The following KCNMA1 variants were observed in gnomAD, a reference collection of about 807,000 sequenced individuals.
KCNMA1 encodes the protein potassium calcium-activated channel subfamily M alpha 1.
KCNMA1 carries 29 observed loss-of-function variants against 140.0 expected under a neutral mutation model. The observed-to-expected ratio is 0.21, with a 90% confidence interval of 0.15 to 0.28. The LOEUF is 0.28. Ranked by LOEUF, KCNMA1 falls within the 10% of genes least tolerant of loss-of-function variation. The pLI, the probability that KCNMA1 is intolerant of heterozygous loss-of-function variation, is 1.00. For missense variants in KCNMA1, 880 were observed against 1,602.2 expected, an observed-to-expected ratio of 0.55 and a Z score of 7.70; for synonymous variants, 612 against 611.9, an observed-to-expected ratio of 1.00 and a Z score of 0.00.
chr10:76,895,156 C>T (rs953790462), intron 25 of KCNMA1, among the ~76,000 whole-genome samples: 1 of 152,128 alleles, frequency 6.6e-6, no homozygotes, highest in African/African-American at 2.4e-5. Flanking sequence ...AGTCACGTAC[C>T]CCCTGCTTGC....
intron 1 of KCNMA1, among the ~76,000 whole-genome samples, chr10:77,625,072 T>C (rs1315663150): frequency 1.3e-5 from 2 of 152,112 alleles, no homozygotes; most frequent in African/African-American, 2.4e-5. Flanking sequence ...TTATTTATAA[T>C]TGTGGTGAAA....
chr10:77,597,077 C>G (rs1359802051), intron 1 of KCNMA1, among the ~76,000 whole-genome samples: 2 of 152,160 alleles, frequency 1.3e-5, no homozygotes, highest in Non-Finnish European at 2.9e-5. Context: ...AGGAATTCCG[C>G]TCTCTCAACA....
At chr10:77,448,921 T>C (rs1232875826) in intron 1 of KCNMA1, among the ~76,000 whole-genome samples, 1 of 152,060 alleles carries the variant, frequency 6.6e-6, no homozygotes, top group Non-Finnish European at 1.5e-5. Flanking sequence ...ACCCCGTCTC[T>C]ACTAAAAATA....
At chr10:77,172,445 A>T (rs903633017) in intron 5 of KCNMA1, among the ~76,000 whole-genome samples, 3 of 152,138 alleles carry the variant, frequency 2.0e-5, no homozygotes, top group African/African-American at 7.2e-5. Flanking sequence ...TATCAAGGGA[A>T]CACAATTGGA....
intron 1 of KCNMA1, among the ~76,000 whole-genome samples, chr10:77,506,096 T>C (rs1289077073): frequency 6.6e-6 from 1 of 152,224 alleles, no homozygotes; most frequent in Non-Finnish European, 1.5e-5. Flanking sequence ...AGGAATTCCC[T>C]ATCACCATTT....
At chr10:77,280,514 T>C (rs2068127746) in intron 2 of KCNMA1, among the ~76,000 whole-genome samples, 1 of 152,158 alleles carries the variant, frequency 6.6e-6, no homozygotes, top group African/African-American at 2.4e-5. Context: ...TTTTTGTTTA[T>C]GTTTGTGTCT....
intron 19 of KCNMA1, among the ~76,000 whole-genome samples, chr10:76,989,285 G>A (rs570993054): frequency 7.2e-5 from 11 of 152,170 alleles, no homozygotes; most frequent in South Asian, 4.2e-4. Context: ...GTCCCTGTGC[G>A]CCCAGTTCCT....
chr10:77,412,373 C>T (rs978191951), intron 1 of KCNMA1, among the ~76,000 whole-genome samples: 1 of 152,206 alleles, frequency 6.6e-6, no homozygotes, highest in Middle Eastern at 3.2e-3. Context: ...TCCCTGGCCA[C>T]TCCATTGCCC....
intron 2 of KCNMA1, among the ~76,000 whole-genome samples, chr10:77,273,248 G>A (rs899763765): frequency 2.0e-5 from 3 of 151,646 alleles, no homozygotes; most frequent in African/African-American, 7.3e-5. Flanking sequence ...CTTTGTTTCT[G>A]TTTTTCTAAA....
rs184806315 is a variant in KCNMA1 at position 77,358,276 on chromosome 10, T to C, written c.540+45586A>G. Among the ~76,000 whole-genome samples the C allele has an allele frequency of 4.1e-3, 623 of 152,220 alleles. 1 individual carries two copies. The highest frequency in any genetic ancestry group is 7.3e-3 in the Non-Finnish European group (498 of 68,014). On this transcript the variant is annotated intron_variant, in intron 2 of 27. Coordinates refer to ENST00000286628, the MANE Select transcript of KCNMA1 (RefSeq NM_001161352.2). ...CTAAGAGGAAGTCCTCCAAGGAAACTCTCAGGATTAGACCAGTCTTTTTCT... is the reference window on the plus strand; with the variant it reads ...CTAAGAGGAAGTCCTCCAAGGAAACCCTCAGGATTAGACCAGTCTTTTTCT...
intron 24 of KCNMA1, chr10:76,913,856 G>C (rs1016656395): frequency 7.1e-6 from 4 of 562,672 alleles, no homozygotes; most frequent in Non-Finnish European, 1.3e-5. Flanking sequence ...TACTGATGCT[G>C]TGTGGGGAAA....
At chr10:77,012,205 G>C in intron 17 of KCNMA1, 162 bp from the exon 18 acceptor site, 9 of 1,501,018 alleles carry the variant, frequency 6.0e-6, no homozygotes, top group Non-Finnish European at 8.0e-6. Flanking sequence ...AATGTTTGTT[G>C]CAAGACCATT....
At chr10:76,952,603 A>T (rs2116833) in intron 21 of KCNMA1, among the ~76,000 whole-genome samples, 8 of 152,062 alleles carry the variant, frequency 5.3e-5, no homozygotes, top group Non-Finnish European at 1.2e-4. Flanking sequence ...GTTGGACAAC[A>T]GCTGTTTGCT....
At chr10:77,241,806 G>A (rs1338589664) in intron 3 of KCNMA1, among the ~76,000 whole-genome samples, 3 of 152,108 alleles carry the variant, frequency 2.0e-5, no homozygotes, top group Non-Finnish European at 4.4e-5. Flanking sequence ...GAGTGAGACC[G>A]TGTCTCTAAA....
intron 2 of KCNMA1, among the ~76,000 whole-genome samples, chr10:77,293,534 G>C (rs1040390530): frequency 6.6e-6 from 1 of 152,182 alleles, no homozygotes; most frequent in Non-Finnish European, 1.5e-5. Context: ...GAAGGTTCCT[G>C]GTGAAAGGAC....
chr10:77,318,193 T>C (rs545720772), intron 2 of KCNMA1, among the ~76,000 whole-genome samples: 13 of 152,338 alleles, frequency 8.5e-5, no homozygotes, highest in South Asian at 4.1e-4. Flanking sequence ...TATTGCAATA[T>C]TGACTGACAC....
chr10:76,948,855 T>C, intron 22 of KCNMA1: 1 of 490,724 alleles, frequency 2.0e-6, no homozygotes, highest in Non-Finnish European at 3.7e-6. Context: ...CTAGGTTTTG[T>C]ATAGGCAGGA....
chr10:77,006,854 T>A (rs954314465), intron 18 of KCNMA1, among the ~76,000 whole-genome samples: 3 of 152,216 alleles, frequency 2.0e-5, no homozygotes, highest in Non-Finnish European at 4.4e-5. Flanking sequence ...GTTCTGTCGA[T>A]GAAGAAAGCC....
At chr10:76,918,602 T>G (rs1383742980) in intron 23 of KCNMA1, among the ~76,000 whole-genome samples, 1 of 152,138 alleles carries the variant, frequency 6.6e-6, no homozygotes, top group Non-Finnish European at 1.5e-5. Flanking sequence ...GATGTTGGCA[T>G]GGATGCGGTG....
Sources: gnomAD v4.1 joint callset for allele counts (sites outside exome capture counted in the v4.1 genomes callset) on GRCh38, gnomAD v4.1.1 for gene constraint, MANE v1.5 for transcripts, NCBI Gene and HGNC (gene_info 2026-07-23, HGNC 2026-07-21) for gene names.